The following RIF1 variants were observed in gnomAD, a reference collection of about 807,000 sequenced individuals.
RIF1 encodes replication timing regulatory factor 1.
RIF1 carries 45 observed loss-of-function variants against 247.1 expected under a neutral mutation model. The ratio of observed to expected loss-of-function variants is 0.18; its 90% CI spans 0.14 to 0.23. The LOEUF (loss-of-function observed/expected upper bound fraction) is 0.23, where lower values mean the gene tolerates loss of function less well. RIF1 is among the 10% of genes least tolerant of loss of function. RIF1 has a pLI of 1.00. For synonymous variants in RIF1, 1,087 were observed against 978.8 expected (o/e 1.11, Z -2.06); for missense variants, 2,967 against 2,862.5 (o/e 1.04, Z -0.83).
In RIF1 at chr2:151,464,786, G is replaced by A; in HGVS notation, c.5266G>A (p.Asp1756Asn). 6.2e-7 allele frequency: 1 copy of A among 1,613,900 alleles called. No homozygotes were observed. Among genetic ancestry groups the A allele is most frequent in the Non-Finnish European group, 8.5e-7 (1 of 1,179,924 alleles). Reference sequence around the variant, plus strand: ...TGGGTTAAAGAATACAGAAAATAATGACGTAGAGATTAGTGAAACAAAAAA... The same window carrying A: ...TGGGTTAAAGAATACAGAAAATAATAACGTAGAGATTAGTGAAACAAAAAA... ...LIGLKNTENN[D>N]VEISETKKAD... is the part of the protein sequence containing the mutation. The change falls in exon 30 of 36, where the codon GAC (aspartate) becomes AAC (asparagine). Residue 1756 changes from aspartate (D) to asparagine (N), a missense_variant. Transcript: ENST00000444746.
At chr2:151,531,520 T>C in the RIF1 span, among the ~76,000 whole-genome samples, 3 of 152,116 alleles carry the variant, frequency 2.0e-5, no homozygotes, top group South Asian at 6.2e-4. Flanking sequence ...TTTTGCCATA[T>C]TGGCCAGGCT....
At chr2:151,426,699 G>A (rs768449542) in intron 8 of RIF1, among the ~76,000 whole-genome samples, 7 of 149,904 alleles carry the variant, frequency 4.7e-5, no homozygotes, top group Non-Finnish European at 7.4e-5. Flanking sequence ...GTCTCGCTCT[G>A]TTGTCCTGGC....
At chr2:151,436,225 C>CA (rs1221026596) in intron 11 of RIF1, among the ~76,000 whole-genome samples, 24 of 150,758 alleles carry the variant, frequency 1.6e-4, no homozygotes, top group East Asian at 1.4e-3. Context: ...GACTCAGTCT[C>CA]AAAAAAAACA....
chr2:151,436,516 G>A (rs1332000577), intron 11 of RIF1, among the ~76,000 whole-genome samples: 1 of 150,416 alleles, frequency 6.6e-6, no homozygotes, highest in African/African-American at 2.4e-5. Context: ...ACTGCAGCCT[G>A]GGCAGTACAA....
chr2:151,449,844 C>CTTTTTTTTTTTTT (rs11405455), intron 20 of RIF1, among the ~76,000 whole-genome samples: 1 of 137,162 alleles, frequency 7.3e-6, no homozygotes, highest in African/African-American at 2.7e-5. Context: ...ACTTTGATGC[C>CTTTTTTTTTTTTT]TTTTTTTTTT....
Position 151,497,393 on chromosome 2 carries a change from T to TAA in RIF1, c.*514-1945_*514-1944dup, listed in dbSNP as rs1488196784. On this transcript the variant is annotated intron_variant and NMD_transcript_variant, in intron 10 of 13. Transcript: ENST00000454583. ...ACACAAACTGAAAAACTCATTATTT[T>TAA]AAAAAAAAGATTGAAAATACCAGAT... 4 of 978,428 alleles carry TAA rather than the reference T, an allele frequency of 4.1e-6. No individual in the cohort carries two copies. In the Admixed American group the frequency reaches 1.8e-4, roughly 45 times the overall value. 60.6% of individuals were successfully genotyped at this position (978,428 alleles called of 1,614,324 possible). A position where few individuals can be genotyped will look rare whatever the true frequency, so the allele number is the denominator to read the frequency against.
Position 151,477,493 on chromosome 2 carries a change from C to G in RIF1, c.*2422C>G, listed in dbSNP as rs1253646195. 1 of 152,088 alleles carries G rather than the reference C, an allele frequency of 6.6e-6. No homozygotes were observed. The highest frequency in any genetic ancestry group is 2.4e-5 in the African/African-American group (1 of 41,334). 9.4% of individuals were successfully genotyped at this position (152,088 alleles called of 1,614,324 possible). On this transcript the variant is annotated 3_prime_UTR_variant, in exon 36 of 36. Transcript: ENST00000444746. ...GCAATGGTGCGATCTCGGTTCACTG[C>G]AAGCTCTGCCTCCCAGGTTTACACC... is the stretch of plus-strand genomic sequence containing the variant.
chr2:151,534,334 T>C, the RIF1 span: 25 of 1,596,270 alleles, frequency 1.6e-5, no homozygotes, highest in Non-Finnish European at 2.0e-5. Flanking sequence ...TCAAACATCA[T>C]AGCATATTAT....
At chr2:151,436,742 T>C in intron 11 of RIF1, 85 bp from the exon 12 acceptor site, 1 of 991,670 alleles carries the variant, frequency 1.0e-6, no homozygotes, top group Admixed American at 3.2e-5. Flanking sequence ...TTTTTAAAAG[T>C]TTCATTGAAA....
intron 7 of RIF1, among the ~76,000 whole-genome samples, chr2:151,421,854 G>A (rs1163760006): frequency 2.8e-5 from 4 of 144,264 alleles, no homozygotes; most frequent in Admixed American, 7.0e-5. Context: ...TTTTTTTTTC[G>A]AGACAGTTTC....
At position 151,464,621 on chromosome 2, in the gene RIF1, G is replaced by C; in HGVS notation, c.5101G>C (p.Gly1701Arg). 6.2e-7 allele frequency: 1 copy of C among 1,613,696 alleles called. No homozygotes were observed. The highest frequency in any genetic ancestry group is 8.5e-7 in the Non-Finnish European group (1 of 1,179,794). ...TAGTTTGGGAGAATCCTCAAAAATA[G>C]GGATATCAGATATTTCTTCGCTTTC... The part of the protein sequence containing the change: ...NCSLGESSKI[G>R]ISDISSLSEK... Residue 1701 changes from glycine (G) to arginine (R), a missense_variant, in exon 30 of 36, where the codon GGG (glycine) becomes CGG (arginine). Gly to Arg is a moderately radical substitution (Grantham distance 125). Transcript: ENST00000444746.
intron 9 of RIF1, chr2:151,493,271 G>T: frequency 9.4e-7 from 1 of 1,059,760 alleles, no homozygotes; most frequent in Non-Finnish European, 1.4e-6. Flanking sequence ...TTTTTCAGTT[G>T]AATGAGAAAG....
At chr2:151,427,855 G>C (rs944452725) in intron 8 of RIF1, among the ~76,000 whole-genome samples, 19 of 152,062 alleles carry the variant, frequency 1.2e-4, no homozygotes, top group Middle Eastern at 6.8e-3. Context: ...TCAGGAGTTC[G>C]AGACCAGCCT....
intron 8 of RIF1, among the ~76,000 whole-genome samples, chr2:151,423,972 A>G (rs1347824562): frequency 6.6e-6 from 1 of 152,176 alleles, no homozygotes; most frequent in Non-Finnish European, 1.5e-5. Context: ...CTCCTCCTGC[A>G]CCCAGACATC....
intron 9 of RIF1, among the ~76,000 whole-genome samples, chr2:151,431,882 C>A (rs1690218122): frequency 6.6e-6 from 1 of 152,120 alleles, no homozygotes; most frequent in African/African-American, 2.4e-5. Flanking sequence ...ACAGTGATAG[C>A]CTTTATTTTC....
At chr2:151,425,444 A>ACTT (rs1688884716) in intron 8 of RIF1, among the ~76,000 whole-genome samples, 1 of 152,032 alleles carries the variant, frequency 6.6e-6, no homozygotes, top group Non-Finnish European at 1.5e-5. Context: ...ATATTCATGA[A>ACTT]GTTGTTGCCA....
At chr2:151,519,187 A>G in the RIF1 span, 2 of 736,378 alleles carry the variant, frequency 2.7e-6, no homozygotes, top group East Asian at 2.7e-5. Flanking sequence ...ATGAAAAATC[A>G]TACCTCATTC....
At position 151,462,485 on chromosome 2, in the gene RIF1, A is replaced by G. The variant is rs368258073; in HGVS notation, c.3363+19A>G. 3.3e-6 allele frequency: 5 copies of G among 1,526,166 alleles called. No homozygotes were observed. Among genetic ancestry groups the G allele is most frequent in the African/African-American group, 1.4e-5 (1 of 72,056 alleles). 94.5% of individuals were successfully genotyped at this position (1,526,166 alleles called of 1,614,324 possible). On this transcript the variant is annotated intron_variant, in intron 29 of 35. Coordinates refer to ENST00000444746, the MANE Select transcript of RIF1 (RefSeq NM_018151.5). ...GATTACGGTATGTTTGACATTTCAT[A>G]TTTTGGGCTTTTTAGAATCACCCTT...
At chr2:151,495,603 G>C (rs1298534134) in intron 10 of RIF1, among the ~76,000 whole-genome samples, 1 of 152,112 alleles carries the variant, frequency 6.6e-6, no homozygotes, top group Non-Finnish European at 1.5e-5. Context: ...TAATGTCACA[G>C]AGCACAAGCT....
Sources: allele counts gnomAD v4.1 joint callset (sites outside exome capture counted in the v4.1 genomes callset), GRCh38; gene constraint gnomAD v4.1.1; transcripts MANE v1.5; gene names NCBI Gene and HGNC (gene_info 2026-07-23, HGNC 2026-07-21).